Variants in GFOD2 observed in about 807,000 individuals in gnomAD.
GFOD2 encodes Gfo/Idh/MocA-like oxidoreductase domain containing 2, also known as glucose-fructose oxidoreductase domain-containing protein 2.
In GFOD2, 9 loss-of-function variants were observed where a neutral mutation model predicts 24.6. That is an observed-to-expected ratio of 0.37 (90% CI 0.22 to 0.64). The LOEUF (loss-of-function observed/expected upper bound fraction) is 0.64, where lower values mean the gene tolerates loss of function less well. GFOD2 is among the 30% of genes least tolerant of loss of function. The pLI is 0.65. For synonymous variants in GFOD2, 211 were observed against 224.8 expected (o/e 0.94, Z 0.55); for missense variants, 476 against 532.5 (o/e 0.89, Z 1.04).
intron 1 of GFOD2, among the ~76,000 whole-genome samples, chr16:67,703,196 G>A (rs1180955309): frequency 6.6e-6 from 1 of 152,110 alleles, no homozygotes; most frequent in African/African-American, 2.4e-5. Flanking sequence ...CTGAGGTTGG[G>A]AGTTCCAGAC....
In GFOD2 at chr16:67,675,582, G is replaced by C. The variant is rs2053178248; in HGVS notation, c.731C>G (p.Pro244Arg). 6.2e-7 allele frequency: 1 copy of C among 1,613,336 alleles called. No individual in the cohort carries two copies. The part of the protein sequence containing the change: ...CSTVTLNFNM[P>R]GAFVHEVMVV... ...CATGACTTCATGCACAAAGGCGCCT[G>C]GCATGTTGAAGTTGAGTGTCACTGT... Residue 244 changes from proline (P) to arginine (R), a missense_variant, in exon 3 of 3, where the codon CCA becomes CGA. Transcript: ENST00000268797.
At position 67,681,616 on chromosome 16, in the gene GFOD2, C is replaced by T. The variant is rs919169668; in HGVS notation, c.259+3841G>A. On this transcript the variant is annotated intron_variant, in intron 2 of 2. Transcript: ENST00000268797. ...GTAGAGATGGGATTTCATCATGTTG[C>T]TCAGGCTGGTATTTAACTCCTGAGT... 31 of 623,574 alleles carry T rather than the reference C, an allele frequency of 5.0e-5. No homozygotes were observed. In the African/African-American group the frequency reaches 6.0e-4, roughly 12 times the overall value. 38.6% of individuals were successfully genotyped at this position (623,574 alleles called of 1,614,324 possible).
Position 67,697,242 on chromosome 16 carries a change from A to T in GFOD2, c.-87-11440T>A, listed in dbSNP as rs373442656. Among the ~76,000 whole-genome samples, 4 of 152,180 alleles carry T rather than the reference A, an allele frequency of 2.6e-5. No homozygotes were observed. In the East Asian group the frequency reaches 5.8e-4, roughly 22 times the overall value. ...CCATTTCCTCATCTGTAAAATGGGG[A>T]AATTTTATCTACCTCACAGGGGATT... On this transcript the variant is annotated intron_variant, in intron 1 of 2. Coordinates refer to ENST00000268797, the MANE Select transcript of GFOD2 (RefSeq NM_030819.4).
chr16:67,680,661 TC>T (rs1339452695), intron 2 of GFOD2: 46 of 944,756 alleles, frequency 4.9e-5, no homozygotes, highest in Non-Finnish European at 5.4e-5. Context: ...AGGTCTAAAC[TC>T]CCAGGATTAC....
At position 67,675,573 on chromosome 16, in the gene GFOD2, A is replaced by C; in HGVS notation, c.740T>G (p.Phe247Cys). 1 of 1,613,524 alleles carries C rather than the reference A, an allele frequency of 6.2e-7. No individual in the cohort carries two copies. The highest frequency in any genetic ancestry group is 8.5e-7 in the Non-Finnish European group (1 of 1,180,020). Residue 247 changes from phenylalanine to cysteine, a missense_variant, in exon 3 of 3, where the codon TTT (phenylalanine) becomes TGT (cysteine). Phe to Cys is a radical substitution (Grantham distance 205). Coordinates refer to ENST00000268797, the MANE Select transcript of GFOD2 (RefSeq NM_030819.4). The part of the protein sequence containing the change: ...VTLNFNMPGA[F>C]VHEVMVVGSA... The stretch of plus-strand genomic sequence containing the variant: ...GCCTACCACCATGACTTCATGCACA[A>C]AGGCGCCTGGCATGTTGAAGTTGAG...
At chr16:67,682,904 GAC>G in intron 2 of GFOD2, 5 of 826,314 alleles carry the variant, frequency 6.1e-6, no homozygotes, top group Non-Finnish European at 7.3e-6. Flanking sequence ...GGCTTGTTCA[GAC>G]ACAGATAGCT....
chr16:67,709,745 GCTA>G (rs2053460554), intron 1 of GFOD2, among the ~76,000 whole-genome samples: 1 of 151,588 alleles, frequency 6.6e-6, no homozygotes, highest in Non-Finnish European at 1.5e-5. Context: ...CCCCTGAGTA[GCTA>G]GGACCACAGG....
Position 67,675,156 on chromosome 16 carries a change from C to T in GFOD2, c.1157G>A (p.Ter386=). The stretch of plus-strand genomic sequence containing the variant: ...GTGGCAAGGAGCCCAGGTGCAGGCT[C>T]ATAGGTTGTTCCGCTGAAGTGCCTC... ...LCEALQRNNL[*] The change falls in exon 3 of 3, where the codon TGA becomes TAA. Residue 386 remains the stop codon, a stop_retained_variant. Transcript: ENST00000268797. 6.2e-7 allele frequency: 1 copy of T among 1,609,930 alleles called. No individual in the cohort carries two copies. The highest frequency in any genetic ancestry group is 8.5e-7 in the Non-Finnish European group (1 of 1,177,660).
intron 1 of GFOD2, among the ~76,000 whole-genome samples, chr16:67,703,837 T>A (rs1461904017): frequency 6.6e-6 from 1 of 152,130 alleles, no homozygotes; most frequent in African/African-American, 2.4e-5. Context: ...AGAGACGACA[T>A]AACTCCCCAT....
chr16:67,682,973 G>A (rs2053239687), intron 2 of GFOD2: 2 of 400,676 alleles, frequency 5.0e-6, no homozygotes, highest in Non-Finnish European at 6.8e-6. Flanking sequence ...ATTTCTTTTT[G>A]TTTGTTTGCT....
intron 1 of GFOD2, among the ~76,000 whole-genome samples, chr16:67,713,739 AC>A (rs1450970078): frequency 3.3e-5 from 5 of 152,246 alleles, no homozygotes; most frequent in East Asian, 3.9e-4. Context: ...GGCTTCATTA[AC>A]TAGGCATGAT....
In GFOD2 at chr16:67,675,051, TAAATG is replaced by T; in HGVS notation, c.*99_*103del. On this transcript the variant is annotated 3_prime_UTR_variant, in exon 3 of 3. Transcript: ENST00000268797. ...CACCTCTGGCTTCACCCAGACTCAT[TAAATG>T]AAAGACACTGTCTCTGCTAGGGCCA... 1.5e-6 allele frequency: 2 copies of T among 1,310,712 alleles called. No homozygotes were observed. Among genetic ancestry groups the T allele is most frequent in the Non-Finnish European group, 2.1e-6 (2 of 953,508 alleles). 81.2% of individuals were successfully genotyped at this position (1,310,712 alleles called of 1,614,324 possible).
At chr16:67,717,652 G>A (rs1230296628) in intron 1 of GFOD2, among the ~76,000 whole-genome samples, 27 of 152,234 alleles carry the variant, frequency 1.8e-4, no homozygotes, top group Non-Finnish European at 2.8e-4. Context: ...TTAGCTGGGC[G>A]TGGTGGTACA....
At chr16:67,715,522 G>GT (rs2053500551) in intron 1 of GFOD2, among the ~76,000 whole-genome samples, 1 of 152,066 alleles carries the variant, frequency 6.6e-6, no homozygotes, top group African/African-American at 2.4e-5. Flanking sequence ...GTTTTTCTCA[G>GT]TATCTCCTAC....
chr16:67,699,328 G>T (rs2053382469), intron 1 of GFOD2, among the ~76,000 whole-genome samples: 1 of 151,836 alleles, frequency 6.6e-6, no homozygotes, highest in South Asian at 2.1e-4. Flanking sequence ...GGGCAACAGA[G>T]CAAGACTTCA....
chr16:67,682,635 T>C (rs1353366489), intron 2 of GFOD2: 1 of 985,194 alleles, frequency 1.0e-6, no homozygotes, highest in Non-Finnish European at 1.2e-6. Context: ...AGAGCTGTGA[T>C]ATGAAAAGTA....
At position 67,705,517 on chromosome 16, in the gene GFOD2, G is replaced by GT. The variant is rs554629577; in HGVS notation, c.-88+13645dup. ...GCCACTGTGCCCAGCCTACCTACAG[G>GT]TTTTTTCAAGTGTCATTACTTGTTC... On this transcript the variant is annotated intron_variant, in intron 1 of 2. Coordinates refer to ENST00000268797, the MANE Select transcript of GFOD2 (RefSeq NM_030819.4). 1.2e-3 allele frequency among the ~76,000 whole-genome samples: 184 copies of GT among 152,214 alleles called. 5 individuals carry two copies. In the South Asian group the frequency reaches 0.036, roughly 30 times the overall value.
At chr16:67,681,451 C>T (rs1032349742) in intron 2 of GFOD2, 2 of 961,398 alleles carry the variant, frequency 2.1e-6, no homozygotes, top group Non-Finnish European at 2.5e-6. Context: ...GATGGGGACT[C>T]GCTTTGTTAC....
chr16:67,706,191 G>A (rs1338516208), intron 1 of GFOD2, among the ~76,000 whole-genome samples: 2 of 151,924 alleles, frequency 1.3e-5, no homozygotes, highest in Non-Finnish European at 2.9e-5. Context: ...CGGCCAGGCT[G>A]GTCTTGAACT....
Sources: allele counts gnomAD v4.1 joint callset (sites outside exome capture counted in the v4.1 genomes callset), GRCh38; gene constraint gnomAD v4.1.1; transcripts MANE v1.5; gene names NCBI Gene and HGNC (gene_info 2026-07-23, HGNC 2026-07-21).